Variants in PTBP3 observed in about 807,000 individuals in gnomAD.
The protein encoded by PTBP3 is polypyrimidine tract-binding protein 3.
PTBP3 carries 20 observed loss-of-function variants against 58.7 expected under a neutral mutation model. The observed-to-expected ratio is 0.34, with a 90% confidence interval of 0.24 to 0.50. PTBP3 has a LOEUF of 0.50. PTBP3 is among the 20% of genes least tolerant of loss of function. The probability of loss-of-function intolerance (pLI) is 0.98; values close to 1 mark genes in which losing one functional copy is unlikely to be tolerated. For synonymous variants in PTBP3, 185 were observed against 219.8 expected, an observed-to-expected ratio of 0.84 and a Z score of 1.40; for missense variants, 509 against 637.2, an observed-to-expected ratio of 0.80 and a Z score of 2.17.
chr9:112,258,419 T>C (rs1836461667), intron 5 of PTBP3, among the ~76,000 whole-genome samples: 1 of 151,962 alleles, frequency 6.6e-6, no homozygotes, highest in African/African-American at 2.4e-5. Context: ...CCAGCCTGAA[T>C]TCTTTCCTGA....
At chr9:112,376,197 ACG>A in the PTBP3 span, among the ~76,000 whole-genome samples, 819 of 111,962 alleles carry the variant, frequency 7.3e-3, 21 homozygotes, top group South Asian at 0.014. Flanking sequence ...TTCCTTATAT[ACG>A]TGTGTGTGTG....
chr9:112,284,098 G>C (rs572808079), intron 2 of PTBP3, among the ~76,000 whole-genome samples: 7 of 142,850 alleles, frequency 4.9e-5, no homozygotes, highest in African/African-American at 1.9e-4. Flanking sequence ...CAGTGCAGAA[G>C]GGAAATGTGG....
rs893645633 is a variant in PTBP3 at position 112,333,345 on chromosome 9, C to G, written c.-52+125G>C. 4 of 1,179,924 alleles carry G rather than the reference C, an allele frequency of 3.4e-6. No homozygotes were observed. In the African/African-American group the frequency reaches 4.9e-5, roughly 14 times the overall value. The allele number at this position is 1,179,924 out of a possible 1,614,324, so 73.1% of individuals were successfully genotyped here. ...CCGGAAGCCCCGCCGTCGGGCTTGG[C>G]CGGGGCCGCTCCTCCGGCCGCCGGC... is the stretch of plus-strand genomic sequence containing the variant. On this transcript the variant is annotated intron_variant, in intron 1 of 13. Transcript: ENST00000374257.
chr9:112,357,488 A>T, the PTBP3 span, among the ~76,000 whole-genome samples: 28 of 152,014 alleles, frequency 1.8e-4, no homozygotes, highest in African/African-American at 6.5e-4. Flanking sequence ...AATAGCTGAG[A>T]CTACGCGCAG....
At chr9:112,251,164 C>T in intron 6 of PTBP3, 61 bp from the exon 7 acceptor site, 1 of 1,318,158 alleles carries the variant, frequency 7.6e-7, no homozygotes, top group Non-Finnish European at 1.0e-6. Flanking sequence ...ACCAAGAAGC[C>T]TCTACTTTGA....
intron 2 of PTBP3, among the ~76,000 whole-genome samples, chr9:112,283,942 T>G (rs1827990727): frequency 6.6e-6 from 1 of 152,186 alleles, no homozygotes; most frequent in Non-Finnish European, 1.5e-5. Context: ...AGCTTCCATG[T>G]GGTGTTGGGT....
upstream of PTBP3, among the ~76,000 whole-genome samples, chr9:112,335,861 G>A (rs1354140746): frequency 6.8e-6 from 1 of 148,050 alleles, no homozygotes; most frequent in Non-Finnish European, 1.5e-5. Flanking sequence ...AGCAGAGGTT[G>A]CAGTGAGCCG....
At chr9:112,314,122 TA>T (rs1205202847) in intron 1 of PTBP3, among the ~76,000 whole-genome samples, 1 of 152,284 alleles carries the variant, frequency 6.6e-6, no homozygotes, top group East Asian at 1.9e-4. Context: ...TCTCTTTATA[TA>T]AAAGACTTCA....
intron 1 of PTBP3, among the ~76,000 whole-genome samples, chr9:112,308,684 A>G (rs999951538): frequency 6.6e-6 from 1 of 152,188 alleles, no homozygotes; most frequent in African/African-American, 2.4e-5. Context: ...ATTAATGTAT[A>G]CAAAAGAAGG....
chr9:112,278,918 G>A (rs1326157022), intron 2 of PTBP3, among the ~76,000 whole-genome samples: 1 of 152,088 alleles, frequency 6.6e-6, no homozygotes, highest in African/African-American at 2.4e-5. Context: ...TGTTTTGCTT[G>A]GAAATTATGT....
At chr9:112,287,085 T>A (rs758705721) in intron 2 of PTBP3, among the ~76,000 whole-genome samples, 20 of 152,146 alleles carry the variant, frequency 1.3e-4, no homozygotes, top group Non-Finnish European at 2.8e-4. Context: ...GCATTCCTGG[T>A]TTTCAGCAAT....
the PTBP3 span, among the ~76,000 whole-genome samples, chr9:112,365,592 C>T: frequency 7.2e-5 from 11 of 152,032 alleles, no homozygotes; most frequent in South Asian, 2.1e-4. Context: ...TTATCAGCAG[C>T]ATGAAAATGG....
At chr9:112,317,711 G>A (rs933736903) in intron 1 of PTBP3, among the ~76,000 whole-genome samples, 4 of 152,188 alleles carry the variant, frequency 2.6e-5, no homozygotes, top group Non-Finnish European at 5.9e-5. Context: ...CACTTTGGGA[G>A]GCCAAGGTGG....
At chr9:112,259,039 C>T (rs1238893315) in intron 5 of PTBP3, among the ~76,000 whole-genome samples, 1 of 152,120 alleles carries the variant, frequency 6.6e-6, no homozygotes, top group East Asian at 1.9e-4. Flanking sequence ...GCAACCTCCA[C>T]CTCCCGGGCT....
the PTBP3 span, among the ~76,000 whole-genome samples, chr9:112,374,621 G>A: frequency 1.3e-5 from 2 of 152,190 alleles, no homozygotes; most frequent in Non-Finnish European, 2.9e-5. Context: ...AGATGATGGG[G>A]AACATGGTAA....
intron 9 of PTBP3, 48 bp from the exon 10 acceptor site, chr9:112,231,461 T>C (rs775734931): frequency 1.1e-5 from 17 of 1,483,768 alleles, no homozygotes; most frequent in Non-Finnish European, 1.4e-5. Context: ...TAAGTAAAAA[T>C]TGAAAATAAG....
intron 9 of PTBP3, 115 bp downstream of exon 9, chr9:112,231,970 AGAAGAGAAGAGAAG>A (rs1276843200): frequency 2.9e-6 from 1 of 350,124 alleles, no homozygotes; most frequent in Non-Finnish European, 4.7e-6. Flanking sequence ...AAGAGAAGAG[AGAAGAGAAGAGAAG>A]AGAAGAGAAG....
chr9:112,371,580 C>G, the PTBP3 span, among the ~76,000 whole-genome samples: 68 of 150,858 alleles, frequency 4.5e-4, 1 homozygote, highest in Admixed American at 4.5e-3. Flanking sequence ...TGGTGTATTT[C>G]TCAATTCATA....
chr9:112,223,741 C>CAGAG lies in PTBP3; in HGVS notation c.*106_*109dup, dbSNP rs1554785919. 6.7e-7 allele frequency: 1 copy of CAGAG among 1,490,080 alleles called. No homozygotes were observed. The highest frequency in any genetic ancestry group is 8.9e-7 in the Non-Finnish European group (1 of 1,119,618). 92.3% of individuals were successfully genotyped at this position (1,490,080 alleles called of 1,614,324 possible). ...TTAAAATATACTTGAATATCAAACTCAGAGTTATTTTTGTGAAAGAGGCAA... is the reference window on the plus strand; with the variant it reads ...TTAAAATATACTTGAATATCAAACTCAGAGAGAGTTATTTTTGTGAAAGAGGCAA... On this transcript the variant is annotated 3_prime_UTR_variant, in exon 14 of 14. Transcript: ENST00000374257.
Sources: allele counts gnomAD v4.1 joint callset (sites outside exome capture counted in the v4.1 genomes callset), GRCh38; gene constraint gnomAD v4.1.1; transcripts MANE v1.5; gene names NCBI Gene and HGNC (gene_info 2026-07-23, HGNC 2026-07-21).